FHOD3: variants seen among roughly 807,000 people sequenced by gnomAD.
FHOD3 encodes the protein formin homology 2 domain containing 3, also known as FH1/FH2 domain-containing protein 3.
FHOD3 carries 90 observed loss-of-function variants against 173.0 expected under a neutral mutation model. The ratio of observed to expected loss-of-function variants is 0.52; its 90% CI spans 0.44 to 0.62. The LOEUF is 0.62. Ranked by LOEUF, FHOD3 falls within the 20% of genes least tolerant of loss-of-function variation. FHOD3 has a pLI of 0.00. For synonymous variants in FHOD3, 828 were observed against 823.0 expected (o/e 1.01, Z -0.10); for missense variants, 1,945 against 2,034.7 (o/e 0.96, Z 0.85).
chr18:36,634,990 T>C (rs2034781532), intron 10 of FHOD3, among the ~76,000 whole-genome samples: 1 of 152,174 alleles, frequency 6.6e-6, no homozygotes, highest in African/African-American at 2.4e-5. Context: ...TGACTTGTTA[T>C]AAATGGGATT....
intron 1 of FHOD3, among the ~76,000 whole-genome samples, chr18:36,307,867 C>T (rs183428910): frequency 7.2e-5 from 11 of 152,358 alleles, no homozygotes; most frequent in Admixed American, 7.2e-4. Context: ...CTTTTCTCAT[C>T]ACCCAAAGGG....
At chr18:36,628,288 G>T (rs1038044223) in intron 10 of FHOD3, among the ~76,000 whole-genome samples, 1 of 152,128 alleles carries the variant, frequency 6.6e-6, no homozygotes, top group African/African-American at 2.4e-5. Context: ...ATGACCAAGG[G>T]CTGGGCCCTT....
At chr18:36,609,482 T>C (rs1333374632) in intron 8 of FHOD3, among the ~76,000 whole-genome samples, 1 of 151,680 alleles carries the variant, frequency 6.6e-6, no homozygotes, top group African/African-American at 2.4e-5. Flanking sequence ...GCATAAAAGG[T>C]GATAGTACGC....
chr18:36,435,757 G>A (rs1349624473), intron 3 of FHOD3, among the ~76,000 whole-genome samples: 1 of 152,204 alleles, frequency 6.6e-6, no homozygotes, highest in African/African-American at 2.4e-5. Context: ...TCTAGTAAGT[G>A]TGTAATTTCA....
At chr18:36,522,671 CT>C (rs982805260) in intron 5 of FHOD3, among the ~76,000 whole-genome samples, 1 of 152,178 alleles carries the variant, frequency 6.6e-6, no homozygotes, top group Non-Finnish European at 1.5e-5. Context: ...TCCTGAGTGC[CT>C]CATAAATATT....
At chr18:36,543,814 T>A (rs1457440536) in intron 5 of FHOD3, among the ~76,000 whole-genome samples, 1 of 152,222 alleles carries the variant, frequency 6.6e-6, no homozygotes, top group Non-Finnish European at 1.5e-5. Flanking sequence ...TGGTGCTGAG[T>A]GTTTCAAAAA....
intron 1 of FHOD3, among the ~76,000 whole-genome samples, chr18:36,336,538 G>A (rs2045316834): frequency 6.6e-6 from 1 of 152,076 alleles, no homozygotes; most frequent in African/African-American, 2.4e-5. Flanking sequence ...AGCAACCTTA[G>A]ATTGAAAATT....
intron 1 of FHOD3, among the ~76,000 whole-genome samples, chr18:36,309,072 G>C (rs80066120): frequency 0.024 from 3,593 of 152,308 alleles, 69 homozygotes; most frequent in Non-Finnish European, 0.037. Context: ...AAGGCATGCT[G>C]TCCTGGATGG....
At chr18:36,642,882 G>GT (rs996717958) in intron 10 of FHOD3, among the ~76,000 whole-genome samples, 28 of 150,706 alleles carry the variant, frequency 1.9e-4, no homozygotes, top group African/African-American at 5.9e-4. Flanking sequence ...TATTGTGGGG[G>GT]TTTTTTTCAG....
intron 20 of FHOD3, among the ~76,000 whole-genome samples, chr18:36,738,863 G>A (rs1278845829): frequency 1.3e-5 from 2 of 152,096 alleles, no homozygotes; most frequent in African/African-American, 4.8e-5. Context: ...CAGGTTATAC[G>A]ATTTCTCCAA....
chr18:36,462,845 T>C (rs2052643678), intron 3 of FHOD3, among the ~76,000 whole-genome samples: 1 of 152,194 alleles, frequency 6.6e-6, no homozygotes. Context: ...CCGATTAATC[T>C]TGAACTCCTG....
chr18:36,350,952 C>T (rs2046096461), intron 1 of FHOD3, among the ~76,000 whole-genome samples: 1 of 152,132 alleles, frequency 6.6e-6, no homozygotes, highest in Admixed American at 6.5e-5. Context: ...GGGACTTTTG[C>T]TGTTTTCAAC....
chr18:36,731,141 C>T (rs147893708), intron 20 of FHOD3, among the ~76,000 whole-genome samples: 1 of 152,302 alleles, frequency 6.6e-6, no homozygotes, highest in Admixed American at 6.5e-5. Context: ...AAAAACCATA[C>T]CTTTCAAAGG....
At chr18:36,552,508 T>C (rs554769310) in intron 5 of FHOD3, among the ~76,000 whole-genome samples, 13 of 151,680 alleles carry the variant, frequency 8.6e-5, no homozygotes, top group African/African-American at 2.4e-4. Flanking sequence ...TTTTCTTTTT[T>C]TTTTTTTTGA....
intron 3 of FHOD3, among the ~76,000 whole-genome samples, chr18:36,458,399 CT>C (rs1355626904): frequency 6.6e-6 from 1 of 151,886 alleles, no homozygotes; most frequent in East Asian, 1.9e-4. Flanking sequence ...TATTAAAAAA[CT>C]TTTTTGGCAG....
At chr18:36,350,362 A>G (rs552430199) in intron 1 of FHOD3, among the ~76,000 whole-genome samples, 1 of 152,266 alleles carries the variant, frequency 6.6e-6, no homozygotes, top group South Asian at 2.1e-4. Context: ...CTGCAACCCA[A>G]TCTGAAGTCT....
chr18:36,531,436 C>T (rs991639873), intron 5 of FHOD3, among the ~76,000 whole-genome samples: 2 of 152,178 alleles, frequency 1.3e-5, no homozygotes, highest in Non-Finnish European at 2.9e-5. Flanking sequence ...ACAGCCATTC[C>T]TGTCCAAAAC....
chr18:36,298,592 C>A (rs1246337181), intron 1 of FHOD3, among the ~76,000 whole-genome samples: 2 of 152,086 alleles, frequency 1.3e-5, no homozygotes, highest in Non-Finnish European at 2.9e-5. Context: ...TCAGGGTATC[C>A]CCCTTTTCTT....
intron 7 of FHOD3, among the ~76,000 whole-genome samples, chr18:36,596,321 A>ATTTTTTTTTTTTTTT (rs539907617): frequency 2.1e-4 from 12 of 57,498 alleles, no homozygotes; most frequent in Admixed American, 2.8e-4. Context: ...TGCCCAGCTA[A>ATTTTTTTTTTTTTTT]TTTTTTTTTT....
Sources: allele counts gnomAD v4.1 joint callset (sites outside exome capture counted in the v4.1 genomes callset), GRCh38; gene constraint gnomAD v4.1.1; transcripts MANE v1.5; gene names NCBI Gene and HGNC (gene_info 2026-07-23, HGNC 2026-07-21).